RXFP1: variants seen among roughly 807,000 people sequenced by gnomAD.
The protein encoded by RXFP1 is relaxin receptor 1.
In RXFP1, 73 loss-of-function variants were observed where a neutral mutation model predicts 89.8. The observed-to-expected ratio is 0.81, with a 90% CI of 0.67 to 0.99. The LOEUF is 0.99. RXFP1 is among the 50% of genes least tolerant of loss of function. RXFP1 has a pLI of 0.00. For missense variants in RXFP1, 793 were observed against 895.5 expected, an observed-to-expected ratio of 0.89 and a Z score of 1.46; for synonymous variants, 277 against 305.5, an observed-to-expected ratio of 0.91 and a Z score of 0.97.
chr4:158,625,467 A>G (rs1297611486), intron 9 of RXFP1, among the ~76,000 whole-genome samples: 3 of 152,130 alleles, frequency 2.0e-5, no homozygotes, highest in Admixed American at 6.6e-5. Context: ...CGATCAGTCA[A>G]TCTAATTTTG....
At chr4:158,610,584 T>C (rs908938985) in intron 6 of RXFP1, 1 of 905,108 alleles carries the variant, frequency 1.1e-6, no homozygotes, top group Non-Finnish European at 1.6e-6. Flanking sequence ...CCTGTGTTGC[T>C]GAAACCAAAA....
intron 2 of RXFP1, among the ~76,000 whole-genome samples, chr4:158,587,370 A>C (rs1030263522): frequency 6.6e-6 from 1 of 152,366 alleles, no homozygotes; most frequent in East Asian, 1.9e-4. Context: ...AATTGTTTTT[A>C]GTAATACCTT....
chr4:158,604,769 T>TTCC (rs1762274476), intron 4 of RXFP1, among the ~76,000 whole-genome samples: 2 of 152,234 alleles, frequency 1.3e-5, no homozygotes, highest in African/African-American at 4.8e-5. Flanking sequence ...TAATGTTTGT[T>TTCC]AAATACAAAT....
intron 12 of RXFP1, among the ~76,000 whole-genome samples, chr4:158,637,441 G>A (rs1430188052): frequency 6.6e-6 from 1 of 152,034 alleles, no homozygotes; most frequent in African/African-American, 2.4e-5. Context: ...ATTCTAAAAG[G>A]TGTGAGGTAA....
chr4:158,543,739 C>A (rs1747445088), intron 1 of RXFP1: 2 of 983,016 alleles, frequency 2.0e-6, no homozygotes, highest in African/African-American at 3.6e-5. Context: ...GAAGAATGAA[C>A]TTTCAAACTT....
At chr4:158,623,010 G>A (rs1182953017) in intron 9 of RXFP1, among the ~76,000 whole-genome samples, 1 of 152,132 alleles carries the variant, frequency 6.6e-6, no homozygotes, top group South Asian at 2.1e-4. Flanking sequence ...GCAAACAAAA[G>A]AAAGCAGGCA....
At chr4:158,645,683 C>T (rs543099447) in intron 15 of RXFP1, among the ~76,000 whole-genome samples, 2 of 152,210 alleles carry the variant, frequency 1.3e-5, no homozygotes, top group African/African-American at 2.4e-5. Context: ...TAAATGAACA[C>T]TGCAAAGAAA....
At chr4:158,559,564 T>A (rs1250273273) in intron 1 of RXFP1, among the ~76,000 whole-genome samples, 1 of 152,162 alleles carries the variant, frequency 6.6e-6, no homozygotes, top group Non-Finnish European at 1.5e-5. Flanking sequence ...AGATGTGATT[T>A]AAAAAATTTT....
intron 2 of RXFP1, among the ~76,000 whole-genome samples, chr4:158,585,719 C>T (rs1349240197): frequency 6.6e-6 from 1 of 151,846 alleles, no homozygotes; most frequent in Non-Finnish European, 1.5e-5. Context: ...CTGAGGTATA[C>T]AAAAATACAT....
intron 13 of RXFP1, among the ~76,000 whole-genome samples, chr4:158,638,588 G>T (rs1466493306): frequency 6.6e-6 from 1 of 152,130 alleles, no homozygotes; most frequent in African/African-American, 2.4e-5. Context: ...CAGGAGGATT[G>T]CTTGAGATCA....
At chr4:158,599,121 G>A (rs1006433614) in intron 3 of RXFP1, 1 of 658,218 alleles carries the variant, frequency 1.5e-6, no homozygotes, top group Admixed American at 3.0e-5. Flanking sequence ...GTTTCCAAAT[G>A]TTGATGCTCT....
At chr4:158,614,955 G>C (rs1287379990) in intron 8 of RXFP1, among the ~76,000 whole-genome samples, 1 of 151,814 alleles carries the variant, frequency 6.6e-6, no homozygotes, top group Non-Finnish European at 1.5e-5. Context: ...TCTCAAGAGT[G>C]GGTTTAAAAT....
At chr4:158,621,535 A>C (rs764887591) in intron 9 of RXFP1, among the ~76,000 whole-genome samples, 5 of 152,242 alleles carry the variant, frequency 3.3e-5, no homozygotes, top group Non-Finnish European at 5.9e-5. Context: ...AATAGAATAT[A>C]CAAAGCTTTG....
In RXFP1 at chr4:158,521,953, A is replaced by C. The variant is rs1308351060; in HGVS notation, c.-24A>C. 1 of 1,596,794 alleles carries C rather than the reference A, an allele frequency of 6.3e-7. No individual in the cohort carries two copies. The highest frequency in any genetic ancestry group is 1.1e-5 in the South Asian group (1 of 89,484). On this transcript the variant is annotated 5_prime_UTR_variant, in exon 1 of 18. Transcript: ENST00000307765. ...AGACCAAATTTTGCTCACTTTCATT[A>C]ATCAGTTGCTCAGATAGAAGGAAAT...
At chr4:158,538,755 G>A (rs547990522) in intron 1 of RXFP1, among the ~76,000 whole-genome samples, 1 of 148,604 alleles carries the variant, frequency 6.7e-6, no homozygotes, top group South Asian at 2.1e-4. Flanking sequence ...AGTGAGCTGA[G>A]ATCGCGCCAT....
intron 2 of RXFP1, among the ~76,000 whole-genome samples, chr4:158,574,150 C>T (rs1247789167): frequency 2.0e-5 from 3 of 152,004 alleles, no homozygotes; most frequent in Non-Finnish European, 2.9e-5. Flanking sequence ...AAATAAACTT[C>T]GGTTAATAAT....
chr4:158,551,738 G>A (rs1052644101), intron 1 of RXFP1, among the ~76,000 whole-genome samples: 5 of 151,996 alleles, frequency 3.3e-5, no homozygotes, highest in East Asian at 3.9e-4. Context: ...CCAGGAATTC[G>A]AGACCAGCCT....
intron 1 of RXFP1, among the ~76,000 whole-genome samples, chr4:158,540,171 T>C (rs970889379): frequency 6.6e-6 from 1 of 152,134 alleles, no homozygotes; most frequent in African/African-American, 2.4e-5. Context: ...AAAGCAAGTT[T>C]ATTAAGAAAG....
chr4:158,645,865 T>G (rs76365213), intron 15 of RXFP1, among the ~76,000 whole-genome samples: 10 of 146,154 alleles, frequency 6.8e-5, no homozygotes, highest in South Asian at 2.1e-4. Context: ...TGTCTAAATG[T>G]TTTTTTTTTA....
Sources: gnomAD v4.1 joint callset for allele counts (sites outside exome capture counted in the v4.1 genomes callset) on GRCh38, gnomAD v4.1.1 for gene constraint, MANE v1.5 for transcripts, NCBI Gene and HGNC (gene_info 2026-07-23, HGNC 2026-07-21) for gene names.